Variants in NCAPG2 observed in about 807,000 individuals in gnomAD.
NCAPG2 encodes non-SMC condensin II complex subunit G2.
In NCAPG2, 53 loss-of-function variants were observed where a neutral mutation model predicts 141.1. The observed-to-expected ratio is 0.38, with a 90% confidence interval of 0.30 to 0.47. The LOEUF is 0.47. NCAPG2 is among the 20% of genes least tolerant of loss of function. The pLI, the probability that NCAPG2 is intolerant of heterozygous loss-of-function variation, is 0.99. For missense variants in NCAPG2, 1,087 were observed against 1,389.0 expected, an observed-to-expected ratio of 0.78 and a Z score of 3.46; for synonymous variants, 499 against 490.7, an observed-to-expected ratio of 1.02 and a Z score of -0.22.
chr7:158,655,739 T>TGTG (rs1355341613), intron 19 of NCAPG2, among the ~76,000 whole-genome samples: 6 of 152,176 alleles, frequency 3.9e-5, no homozygotes, highest in African/African-American at 7.2e-5. Context: ...GTCCTCCCCA[T>TGTG]CTGCCTGGCT....
At chr7:158,655,550 C>A (rs887131381) in intron 19 of NCAPG2, 95 bp from the exon 20 acceptor site, 2 of 1,104,584 alleles carry the variant, frequency 1.8e-6, no homozygotes, top group Non-Finnish European at 2.7e-6. Context: ...GATCCTCAGG[C>A]GAGCTGAAAA....
At chr7:158,701,051 T>C (rs529015447) in intron 2 of NCAPG2, among the ~76,000 whole-genome samples, 1 of 152,358 alleles carries the variant, frequency 6.6e-6, no homozygotes, top group South Asian at 2.1e-4. Flanking sequence ...ACCAGTCATC[T>C]GGTACCTCCA....
At chr7:158,698,672 T>C (rs1271652935) in intron 2 of NCAPG2, among the ~76,000 whole-genome samples, 1 of 152,174 alleles carries the variant, frequency 6.6e-6, no homozygotes, top group Non-Finnish European at 1.5e-5. Context: ...GAACCTATCC[T>C]CATCAAGAGT....
chr7:158,680,701 A>G lies in NCAPG2; in HGVS notation c.1020+20T>C, dbSNP rs139651395. ...CAAGTAGTACATTCCAAACACGGAT[A>G]AACTATTTGAAATGTATACCTTTAA... On this transcript the variant is annotated intron_variant, in intron 10 of 27. Coordinates refer to ENST00000356309, the MANE Select transcript of NCAPG2 (RefSeq NM_017760.7). The G allele has an allele frequency of 5.1e-4, 739 of 1,447,664 alleles. No homozygotes were observed. In the African/African-American group the frequency reaches 7.2e-3, roughly 14 times the overall value. The allele number at this position is 1,447,664 out of a possible 1,614,324, so 89.7% of individuals were successfully genotyped here.
At chr7:158,645,339 G>A (rs1050135046) in intron 26 of NCAPG2, among the ~76,000 whole-genome samples, 180 bp downstream of exon 26, 2 of 152,162 alleles carry the variant, frequency 1.3e-5, no homozygotes, top group African/African-American at 4.8e-5. Context: ...GGGCTAAGGA[G>A]AGGAAGCCCA....
intron 6 of NCAPG2, among the ~76,000 whole-genome samples, chr7:158,689,262 T>C (rs1286354889): frequency 5.3e-5 from 8 of 152,334 alleles, no homozygotes; most frequent in Non-Finnish European, 8.8e-5. Flanking sequence ...TAATGAGCTA[T>C]TTTATGTTCA....
chr7:158,677,537 A>AAC (rs1363638654), intron 11 of NCAPG2, among the ~76,000 whole-genome samples: 4 of 151,048 alleles, frequency 2.6e-5, no homozygotes, highest in Non-Finnish European at 5.9e-5. Context: ...AAAAAAAAAA[A>AAC]AAAAAAAAAA....
intron 12 of NCAPG2, among the ~76,000 whole-genome samples, chr7:158,673,870 C>T (rs534943519): frequency 6.6e-6 from 1 of 152,318 alleles, no homozygotes; most frequent in Admixed American, 6.5e-5. Flanking sequence ...CCACAACATC[C>T]AGAGGGACAA....
intron 24 of NCAPG2, among the ~76,000 whole-genome samples, chr7:158,648,981 A>G (rs1225529614): frequency 3.9e-5 from 6 of 152,216 alleles, no homozygotes; most frequent in African/African-American, 7.2e-5. Context: ...ATGGACTACA[A>G]CCACGGCAAA....
rs1836066937 is a variant in NCAPG2 at position 158,704,728 on chromosome 7, G to C, written c.-44C>G. The C allele has an allele frequency of 6.6e-6, 1 of 152,292 alleles. No homozygotes were observed. The highest frequency in any genetic ancestry group is 2.1e-4 in the South Asian group (1 of 4,848). 9.4% of individuals were successfully genotyped at this position (152,292 alleles called of 1,614,324 possible). A position where few individuals can be genotyped will look rare whatever the true frequency, so the allele number is the denominator to read the frequency against. ...GCTCGGCACCGCAGCTCTTACCTGGGCTCGGGGACCCGCCGTTTCCCGCGC... is the reference window on the plus strand; with the variant it reads ...GCTCGGCACCGCAGCTCTTACCTGGCCTCGGGGACCCGCCGTTTCCCGCGC... On this transcript the variant is annotated 5_prime_UTR_variant, in exon 1 of 28. Coordinates refer to ENST00000356309, the MANE Select transcript of NCAPG2 (RefSeq NM_017760.7).
intron 3 of NCAPG2, 33 bp from the exon 4 acceptor site, chr7:158,692,989 A>T (rs1835225236): frequency 1.5e-6 from 2 of 1,344,246 alleles, no homozygotes; most frequent in Non-Finnish European, 2.1e-6. Context: ...TGAGTGAATT[A>T]AAATCATCAA....
rs1449935284 is a variant in NCAPG2 at position 158,693,091 on chromosome 7, A to G, written c.268-135T>C. 7.5e-6 allele frequency: 6 copies of G among 804,650 alleles called. No individual in the cohort carries two copies. The South Asian group carries it at 9.4e-5, about 13-fold the overall frequency. 49.8% of individuals were successfully genotyped at this position (804,650 alleles called of 1,614,324 possible). A position where few individuals can be genotyped will look rare whatever the true frequency, so the allele number is the denominator to read the frequency against. On this transcript the variant is annotated intron_variant, in intron 3 of 27. Transcript: ENST00000356309. ...TTATTCTAAAAAGAATTAAAGTTGA[A>G]TAAAAGTAAATCATCCTAAAAGAAC... is the stretch of plus-strand genomic sequence containing the variant.
rs375733413 is a variant in NCAPG2, at chr7:158,691,569, C to T, written c.383-847G>A. Among the ~76,000 whole-genome samples, 8 of 152,116 alleles carry T rather than the reference C, an allele frequency of 5.3e-5. No homozygotes were observed. The East Asian group carries it at 1.5e-3, about 29-fold the overall frequency. On this transcript the variant is annotated intron_variant, in intron 4 of 27. Coordinates refer to ENST00000356309, the MANE Select transcript of NCAPG2 (RefSeq NM_017760.7). ...TTTGTCACAACAAACTAATTACACT[C>T]GCACAGTGAAGGATGAGGGTATGTG...
intron 13 of NCAPG2, among the ~76,000 whole-genome samples, chr7:158,666,189 G>GA (rs1333628838): frequency 6.6e-6 from 1 of 152,188 alleles, no homozygotes; most frequent in Non-Finnish European, 1.5e-5. Flanking sequence ...AAGAGGACAA[G>GA]AAAGAGAAAA....
intron 1 of NCAPG2, among the ~76,000 whole-genome samples, 186 bp downstream of exon 1, chr7:158,704,538 T>C (rs1163099663): frequency 2.6e-5 from 4 of 152,150 alleles, no homozygotes; most frequent in African/African-American, 4.8e-5. Context: ...GTAGGGGGGA[T>C]GGCCCGGGGT....
At position 158,660,401 on chromosome 7, in the gene NCAPG2, C is replaced by CTTTTTTTTTTT. The variant is rs945928092; in HGVS notation, c.1989+1782_1989+1792dup. ...AGTCCCAGGTCATTATTTCAGCTTTCTTTTTTTTTTTTTTTTTTTTTTTTT... is the reference window on the plus strand; with the variant it reads ...AGTCCCAGGTCATTATTTCAGCTTTCTTTTTTTTTTTTTTTTTTTTTTTTTTTTTTTTTTTT... On this transcript the variant is annotated intron_variant, in intron 16 of 27. Coordinates refer to ENST00000356309, the MANE Select transcript of NCAPG2 (RefSeq NM_017760.7). Among the ~76,000 whole-genome samples the CTTTTTTTTTTT allele has an allele frequency of 6.9e-4, 50 of 72,802 alleles. 2 individuals carry two copies. Among genetic ancestry groups the CTTTTTTTTTTT allele is most frequent in the East Asian group, 2.6e-3 (4 of 1,524 alleles). The allele number at this position is 72,802 out of a possible 152,430, so 47.8% of individuals were successfully genotyped here. A position where few individuals can be genotyped will look rare whatever the true frequency, so the allele number is the denominator to read the frequency against.
intron 12 of NCAPG2, 142 bp downstream of exon 12, chr7:158,675,335 C>G (rs746800216): frequency 1.2e-4 from 115 of 943,212 alleles, no homozygotes; most frequent in Non-Finnish European, 1.6e-4. Flanking sequence ...TTTTTAAAAA[C>G]CTTACTTTGG....
chr7:158,631,502 G>C lies in NCAPG2; in HGVS notation c.*164C>G. 1.4e-6 allele frequency: 1 copy of C among 706,896 alleles called. No homozygotes were observed. The allele number at this position is 706,896 out of a possible 1,614,324, so 43.8% of individuals were successfully genotyped here. On this transcript the variant is annotated 3_prime_UTR_variant, in exon 28 of 28. Transcript: ENST00000356309. ...CACTAGGCAAAATTGAAGAAGTTTT[G>C]AGTTATCTCCTCCATAACCCCCACC...
At chr7:158,634,950 C>T (rs1269268444) in intron 27 of NCAPG2, among the ~76,000 whole-genome samples, 1 of 152,208 alleles carries the variant, frequency 6.6e-6, no homozygotes, top group Admixed American at 6.5e-5. Flanking sequence ...TAACAAGACA[C>T]ACAGACCAGA....
Sources: allele counts gnomAD v4.1 joint callset (sites outside exome capture counted in the v4.1 genomes callset), GRCh38; gene constraint gnomAD v4.1.1; transcripts MANE v1.5; gene names NCBI Gene and HGNC (gene_info 2026-07-23, HGNC 2026-07-21).